The following ADAMTS9 variants were observed in gnomAD, a reference collection of about 807,000 sequenced individuals.
ADAMTS9 encodes the protein ADAM metallopeptidase with thrombospondin type 1 motif 9.
In ADAMTS9, 107 loss-of-function variants were observed where a neutral mutation model predicts 257.1. The observed-to-expected ratio is 0.42, with a 90% CI of 0.36 to 0.49. The LOEUF (loss-of-function observed/expected upper bound fraction) is 0.49, where lower values mean the gene tolerates loss of function less well. Among genes scored for constraint, ADAMTS9 ranks in the 20% least tolerant of loss-of-function variants. The pLI, the probability that ADAMTS9 is intolerant of heterozygous loss-of-function variation, is 0.03. For missense variants in ADAMTS9, 2,353 were observed against 2,469.1 expected, an observed-to-expected ratio of 0.95 and a Z score of 1.00; for synonymous variants, 982 against 880.9, an observed-to-expected ratio of 1.11 and a Z score of -2.03.
At chr3:64,542,430 C>CTTTTTTTT (rs56812239) in intron 32 of ADAMTS9, among the ~76,000 whole-genome samples, 3,672 of 124,386 alleles carry the variant, frequency 0.03, 377 homozygotes, top group Admixed American at 0.19. Flanking sequence ...TTCTTTCTTT[C>CTTTTTTTT]TTTTTTTTTT....
At chr3:64,540,245 T>A (rs999369631) in intron 36 of ADAMTS9, among the ~76,000 whole-genome samples, 1 of 152,246 alleles carries the variant, frequency 6.6e-6, no homozygotes, top group Non-Finnish European at 1.5e-5. Context: ...TAAAGTATCT[T>A]GGTACAAATC....
chr3:64,574,930 TG>T, intron 28 of ADAMTS9, among the ~76,000 whole-genome samples: 1 of 152,226 alleles, frequency 6.6e-6, no homozygotes, highest in African/African-American at 2.4e-5. Context: ...AGCTACGCAA[TG>T]TTAATAGCTC....
intron 31 of ADAMTS9, among the ~76,000 whole-genome samples, chr3:64,547,286 T>C (rs1182735119): frequency 6.6e-6 from 1 of 152,072 alleles, no homozygotes; most frequent in Non-Finnish European, 1.5e-5. Flanking sequence ...TCAGCCCAAC[T>C]GCACAGGTTG....
chr3:64,548,895 C>A (rs2083235561), intron 31 of ADAMTS9, among the ~76,000 whole-genome samples: 1 of 152,240 alleles, frequency 6.6e-6, no homozygotes, highest in Non-Finnish European at 1.5e-5. Context: ...ACTGTGGGCT[C>A]CCTGCATGAG....
intron 28 of ADAMTS9, among the ~76,000 whole-genome samples, chr3:64,585,985 C>A (rs1179123997): frequency 2.0e-5 from 3 of 152,092 alleles, no homozygotes; most frequent in Admixed American, 2.0e-4. Flanking sequence ...TGTAGACATA[C>A]CCTTTCCACT....
At chr3:64,608,415 C>G (rs186700956) in intron 22 of ADAMTS9, among the ~76,000 whole-genome samples, 1 of 151,608 alleles carries the variant, frequency 6.6e-6, no homozygotes, top group South Asian at 2.1e-4. Context: ...TTAGCTAGCA[C>G]GACTAAGAAA....
At chr3:64,526,124 T>C (rs989001264) in intron 38 of ADAMTS9, among the ~76,000 whole-genome samples, 3 of 147,792 alleles carry the variant, frequency 2.0e-5, no homozygotes, top group Non-Finnish European at 4.5e-5. Flanking sequence ...ATATATTTAC[T>C]ATAGATAGTT....
At chr3:64,628,383 T>G (rs796564608) in intron 16 of ADAMTS9, among the ~76,000 whole-genome samples, 1 of 152,156 alleles carries the variant, frequency 6.6e-6, no homozygotes, top group South Asian at 2.1e-4. Flanking sequence ...CCTTCTCTCT[T>G]TCGAAGAGAA....
chr3:64,581,999 T>C (rs1006268404), intron 28 of ADAMTS9, among the ~76,000 whole-genome samples: 2 of 152,210 alleles, frequency 1.3e-5, no homozygotes, highest in Admixed American at 6.5e-5. Flanking sequence ...ATGGCCATTG[T>C]TAATGACCTT....
At chr3:64,536,863 C>T (rs954988585) in intron 37 of ADAMTS9, among the ~76,000 whole-genome samples, 4 of 152,098 alleles carry the variant, frequency 2.6e-5, no homozygotes, top group Non-Finnish European at 4.4e-5. Flanking sequence ...TGAGGGCTGT[C>T]GGGGAATCCA....
intron 6 of ADAMTS9, 92 bp downstream of exon 6, chr3:64,655,484 C>G: frequency 9.3e-7 from 1 of 1,075,738 alleles, no homozygotes; most frequent in South Asian, 1.4e-5. Context: ...CTGAGAAACC[C>G]TCCACTAGCA....
At chr3:64,612,992 T>C (rs1034354265) in intron 22 of ADAMTS9, among the ~76,000 whole-genome samples, 3 of 152,192 alleles carry the variant, frequency 2.0e-5, no homozygotes, top group African/African-American at 7.2e-5. Context: ...CCAGAGACTC[T>C]GGTGCTGGAT....
chr3:64,601,965 C>G lies in ADAMTS9; in HGVS notation c.3996G>C (p.Trp1332Cys). The change falls in exon 26 of 40, where the codon TGG (tryptophan) becomes TGC (cysteine). Residue 1332 changes from tryptophan to cysteine, a missense_variant. By Grantham distance (215) the Trp-to-Cys change is radical (BLOSUM62 -2). Around this residue, in one of 3 missense-constraint regions of ADAMTS9, gnomAD observed 1,402 missense variants for 1,441.4 expected, o/e 0.97. Transcript: ENST00000498707. ...SRTHVLGGNQ[W>C]RTGPWGACSS... is the part of the protein sequence containing the mutation. ...TCACTGCTCCCCAGGGGCCAGTTCT[C>G]CACTGGTTTCCACCGAGCACATGGG... The G allele has an allele frequency of 6.2e-7, 1 of 1,610,680 alleles. No individual in the cohort carries two copies. Among genetic ancestry groups the G allele is most frequent in the Non-Finnish European group, 8.5e-7 (1 of 1,178,048 alleles).
At chr3:64,537,125 T>C (rs1030635909) in intron 37 of ADAMTS9, among the ~76,000 whole-genome samples, 1 of 152,222 alleles carries the variant, frequency 6.6e-6, no homozygotes, top group Non-Finnish European at 1.5e-5. Flanking sequence ...ATTCTTAAAG[T>C]ACCCAATATG....
chr3:64,604,736 A>C (rs769569883), intron 23 of ADAMTS9, among the ~76,000 whole-genome samples: 5 of 152,224 alleles, frequency 3.3e-5, no homozygotes, highest in African/African-American at 4.8e-5. Context: ...TCTTAATCAG[A>C]ATTTGCTAAT....
At chr3:64,612,461 G>C (rs950048023) in intron 22 of ADAMTS9, among the ~76,000 whole-genome samples, 1 of 152,176 alleles carries the variant, frequency 6.6e-6, no homozygotes, top group Non-Finnish European at 1.5e-5. Context: ...TATGAAATGG[G>C]GAAGATTCAG....
chr3:64,606,884 A>G, intron 23 of ADAMTS9, 76 bp downstream of exon 23: 1 of 1,574,108 alleles, frequency 6.4e-7, no homozygotes. Context: ...AAGGATTTCA[A>G]TTTTGTCTAA....
chr3:64,544,969 T>C (rs956742818), intron 32 of ADAMTS9, among the ~76,000 whole-genome samples: 1 of 150,192 alleles, frequency 6.7e-6, no homozygotes, highest in Non-Finnish European at 1.5e-5. Context: ...CAGACACTTC[T>C]CAAAAGAAGA....
rs1701009754 is a variant in ADAMTS9, at chr3:64,654,468, G to A, written c.1211-10C>T. On this transcript the variant is annotated splice_polypyrimidine_tract_variant and intron_variant, in intron 7 of 39. Transcript: ENST00000498707. ...CCCAGTTCAGCCAGGCCTATTAGAA[G>A]GAAAAAAACCAACAAGGATTTACTC... The A allele has an allele frequency of 6.2e-7, 1 of 1,612,052 alleles. No individual in the cohort carries two copies. The highest frequency in any genetic ancestry group is 1.3e-5 in the African/African-American group (1 of 74,620).
Sources: gnomAD v4.1 joint callset for allele counts (sites outside exome capture counted in the v4.1 genomes callset) on GRCh38, gnomAD v4.1.1 for gene constraint, gnomAD v4.1.1 regional missense constraint, MANE v1.5 for transcripts, NCBI Gene and HGNC (gene_info 2026-07-23, HGNC 2026-07-21) for gene names.